IL16: variants seen among roughly 807,000 people sequenced by gnomAD.
IL16 encodes pro-interleukin-16.
Under a neutral mutation model 110.1 loss-of-function variants are expected in IL16, and 67 were observed. The observed-to-expected ratio is 0.61, with a 90% CI of 0.50 to 0.75. The LOEUF is 0.75. Among genes scored for constraint, IL16 ranks in the 30% least tolerant of loss-of-function variants. IL16 has a pLI of 0.00. For missense variants in IL16, 1,545 were observed against 1,655.0 expected, an observed-to-expected ratio of 0.93 and a Z score of 1.15; for synonymous variants, 689 against 662.9, an observed-to-expected ratio of 1.04 and a Z score of -0.61.
intron 14 of IL16, 63 bp from the exon 15 acceptor site, chr15:81,301,281 C>T (rs990909941): frequency 1.4e-6 from 2 of 1,411,756 alleles, no homozygotes; most frequent in Non-Finnish European, 1.9e-6. Context: ...AGTAATTATA[C>T]AATCACTGTT....
chr15:81,285,512 G>T (rs1458643102), intron 9 of IL16, among the ~76,000 whole-genome samples, 186 bp from the exon 10 acceptor site: 1 of 152,210 alleles, frequency 6.6e-6, no homozygotes, highest in African/African-American at 2.4e-5. Context: ...CGGTAAGGGG[G>T]TATGGGATAT....
At chr15:81,240,169 A>T (rs1897299214) in intron 2 of IL16, among the ~76,000 whole-genome samples, 2 of 151,962 alleles carry the variant, frequency 1.3e-5, no homozygotes, top group South Asian at 4.2e-4. Flanking sequence ...ATATTATTTC[A>T]TTTTGTTGTA....
At chr15:81,255,051 G>A (rs1897898120) in intron 2 of IL16, among the ~76,000 whole-genome samples, 1 of 151,776 alleles carries the variant, frequency 6.6e-6, no homozygotes, top group African/African-American at 2.4e-5. Flanking sequence ...CTGGTCTCAT[G>A]ACCCTTTCCC....
At chr15:81,236,820 G>C (rs1595979982) in intron 2 of IL16, among the ~76,000 whole-genome samples, 4 of 152,270 alleles carry the variant, frequency 2.6e-5, no homozygotes, top group African/African-American at 9.6e-5. Flanking sequence ...AGCCAGGCCT[G>C]GTGGTGGGTG....
At chr15:81,221,060 A>G (rs955728208) in intron 1 of IL16, among the ~76,000 whole-genome samples, 3 of 151,842 alleles carry the variant, frequency 2.0e-5, no homozygotes, top group Non-Finnish European at 4.4e-5. Context: ...CAGTGTCCTT[A>G]CCCAAGATGT....
At chr15:81,300,768 T>C (rs1900244276) in intron 14 of IL16, among the ~76,000 whole-genome samples, 1 of 152,200 alleles carries the variant, frequency 6.6e-6, no homozygotes, top group Non-Finnish European at 1.5e-5. Context: ...TCATGAGGGC[T>C]GACATACGCC....
intron 1 of IL16, among the ~76,000 whole-genome samples, chr15:81,198,862 A>T (rs1261322954): frequency 2.0e-5 from 3 of 150,650 alleles, no homozygotes. Flanking sequence ...TCTACTAAAA[A>T]TACAAAAATT....
In IL16 at chr15:81,308,628, A is replaced by C. The variant is rs1256539144; in HGVS notation, c.3829A>C (p.Thr1277Pro). 1.1e-5 allele frequency: 18 copies of C among 1,611,658 alleles called. No individual in the cohort carries two copies. Among genetic ancestry groups the C allele is most frequent in the Non-Finnish European group, 1.5e-5 (18 of 1,178,996 alleles). The change falls in exon 19 of 19, where the codon ACA becomes CCA. Residue 1277 changes from threonine (T) to proline (P), a missense_variant. Physicochemically the swap from Thr to Pro is conservative, Grantham distance 38. Around this residue, in one of 3 missense-constraint regions of IL16, gnomAD observed 356 missense variants for 399.3 expected, o/e 0.89. Coordinates refer to ENST00000683961, the MANE Select transcript of IL16 (RefSeq NM_172217.5). ...FKGAASEQSETVQPGDEILQL... is the reference protein window; with the variant it reads ...FKGAASEQSEPVQPGDEILQL... ...AGGAGCAGCCTCAGAACAAAGTGAG[A>C]CAGTCCAGCCTGGAGATGAAATCTT...
chr15:81,285,771 C>G lies in IL16; in HGVS notation c.1273C>G (p.Leu425Val), dbSNP rs778809781. 6.2e-7 allele frequency: 1 copy of G among 1,614,148 alleles called. No individual in the cohort carries two copies. The highest frequency in any genetic ancestry group is 2.2e-5 in the East Asian group (1 of 44,892). The change falls in exon 10 of 19, where the codon CTG (leucine) becomes GTG (valine). Residue 425 changes from leucine (L) to valine (V), a missense_variant. By Grantham distance (32) the Leu-to-Val change is conservative. Transcript: ENST00000683961. Reference protein sequence around the residue: ...CLTLNEVYTILSHCDPGPVPI... With the variant: ...CLTLNEVYTIVSHCDPGPVPI... Reference sequence around the variant, plus strand: ...GACGCTCAATGAAGTCTACACGATCCTGAGTCACTGTGATCCCGGTCCAGT... The same window carrying G: ...GACGCTCAATGAAGTCTACACGATCGTGAGTCACTGTGATCCCGGTCCAGT...
intron 1 of IL16, among the ~76,000 whole-genome samples, chr15:81,220,755 A>G (rs1416064178): frequency 6.6e-6 from 1 of 151,732 alleles, no homozygotes. Flanking sequence ...CCTAGCACAA[A>G]AACAGGCACA....
chr15:81,265,944 G>T (rs1238935570), intron 4 of IL16, 143 bp downstream of exon 4: 3 of 750,418 alleles, frequency 4.0e-6, no homozygotes, highest in Non-Finnish European at 6.3e-6. Context: ...CTTAGTAGCT[G>T]CAAGAAGGTA....
intron 2 of IL16, among the ~76,000 whole-genome samples, chr15:81,246,328 C>T (rs373635112): frequency 1.3e-5 from 2 of 152,162 alleles, no homozygotes; most frequent in South Asian, 4.1e-4. Context: ...CTTTTGTCCT[C>T]CAACCATCTC....
intron 10 of IL16, 124 bp downstream of exon 10, chr15:81,285,954 CT>C (rs1899431898): frequency 2.9e-6 from 3 of 1,024,084 alleles, no homozygotes; most frequent in Non-Finnish European, 2.9e-6. Flanking sequence ...CCAAGAATCC[CT>C]TCCAAGTTTC....
intron 2 of IL16, among the ~76,000 whole-genome samples, chr15:81,240,023 G>T (rs930889626): frequency 1.3e-5 from 2 of 152,144 alleles, no homozygotes. Context: ...AGGAAAGTCA[G>T]TCTCTACCAT....
intron 14 of IL16, 85 bp from the exon 15 acceptor site, chr15:81,301,259 C>A: frequency 1.6e-6 from 2 of 1,261,990 alleles, no homozygotes; most frequent in Non-Finnish European, 2.2e-6. Context: ...CTTGGCACCA[C>A]ACCTGGGACA....
chr15:81,200,064 G>A (rs1489869298), intron 1 of IL16, among the ~76,000 whole-genome samples: 4 of 152,054 alleles, frequency 2.6e-5, no homozygotes, highest in Non-Finnish European at 2.9e-5. Context: ...TCAACTTAGC[G>A]GGTTGGAACC....
chr15:81,302,137 C>G (rs1900318127), intron 15 of IL16: 1 of 152,332 alleles, frequency 6.6e-6, no homozygotes, highest in African/African-American at 2.4e-5. Flanking sequence ...TGCCCCAGGC[C>G]TCCGTAGGCT....
At position 81,308,750 on chromosome 15, in the gene IL16, G is replaced by A. The variant is rs765429309; in HGVS notation, c.3951G>A (p.Arg1317=). ...ATGGACCTGTCACGATTGTCATCAG[G>A]AGAAAAAGCCTCCAGTCCAAGGAAA... is the stretch of plus-strand genomic sequence containing the variant. The part of the protein sequence containing the change: ...LPDGPVTIVI[R]RKSLQSKETT... The change falls in exon 19 of 19, where the codon AGG becomes AGA. Residue 1317 remains arginine, a synonymous_variant. Coordinates refer to ENST00000683961, the MANE Select transcript of IL16 (RefSeq NM_172217.5). 5 of 1,613,980 alleles carry A rather than the reference G, an allele frequency of 3.1e-6. No individual in the cohort carries two copies. Among genetic ancestry groups the A allele is most frequent in the Non-Finnish European group, 4.2e-6 (5 of 1,180,020 alleles).
At chr15:81,283,652 A>C (rs1350883287) in intron 9 of IL16, among the ~76,000 whole-genome samples, 1 of 152,220 alleles carries the variant, frequency 6.6e-6, no homozygotes, top group African/African-American at 2.4e-5. Context: ...CAATGACATA[A>C]ATAGGAGCTT....
Sources: gnomAD v4.1 joint callset for allele counts (sites outside exome capture counted in the v4.1 genomes callset) on GRCh38, gnomAD v4.1.1 for gene constraint, gnomAD v4.1.1 regional missense constraint, MANE v1.5 for transcripts, NCBI Gene and HGNC (gene_info 2026-07-23, HGNC 2026-07-21) for gene names.